The following RBFOX1 variants were observed in gnomAD, a reference collection of about 807,000 sequenced individuals.
The protein encoded by RBFOX1 is RNA binding protein fox-1 homolog 1.
Under a neutral mutation model 57.7 loss-of-function variants are expected in RBFOX1, and 8 were observed. That is an observed-to-expected ratio of 0.14 (90% CI 0.08 to 0.25). RBFOX1 has a LOEUF of 0.25. Ranked by LOEUF, RBFOX1 falls within the 10% of genes least tolerant of loss-of-function variation. The pLI, the probability that RBFOX1 is intolerant of heterozygous loss-of-function variation, is 1.00. For missense variants in RBFOX1, 611 were observed against 548.5 expected (o/e 1.11, Z -1.14); for synonymous variants, 326 against 222.4 (o/e 1.47, Z -4.15).
chr16:7,345,691 G>C (rs951944024), intron 4 of RBFOX1, among the ~76,000 whole-genome samples: 1 of 152,116 alleles, frequency 6.6e-6, no homozygotes, highest in Non-Finnish European at 1.5e-5. Context: ...GCCGTCTGGG[G>C]ATGGATAAAA....
At chr16:7,675,961 C>G (rs150270888) in intron 13 of RBFOX1, among the ~76,000 whole-genome samples, 112 of 152,346 alleles carry the variant, frequency 7.4e-4, no homozygotes, top group African/African-American at 2.7e-3. Context: ...CAACGCTCCA[C>G]TGAACACAAT....
chr16:7,673,132 G>A (rs1334324436), intron 13 of RBFOX1, among the ~76,000 whole-genome samples: 2 of 151,922 alleles, frequency 1.3e-5, no homozygotes, highest in Non-Finnish European at 2.9e-5. Flanking sequence ...CAGTCCTACC[G>A]ACGCCCACGT....
chr16:5,866,690 C>T (rs1567646214), intron 3 of RBFOX1, among the ~76,000 whole-genome samples: 1 of 152,146 alleles, frequency 6.6e-6, no homozygotes, highest in Non-Finnish European at 1.5e-5. Flanking sequence ...TTAATAACAT[C>T]CCGACTTTGG....
At chr16:7,648,635 T>C (rs2064256939) in intron 11 of RBFOX1, among the ~76,000 whole-genome samples, 1 of 152,170 alleles carries the variant, frequency 6.6e-6, no homozygotes, top group South Asian at 2.1e-4. Context: ...TGCACATAAT[T>C]ATTTTATTCA....
intron 4 of RBFOX1, among the ~76,000 whole-genome samples, chr16:7,495,622 T>C (rs1349103714): frequency 6.6e-6 from 1 of 152,248 alleles, no homozygotes; most frequent in Non-Finnish European, 1.5e-5. Flanking sequence ...TATCTTCTTT[T>C]GAGAAATGTC....
chr16:6,186,388 T>A (rs2097105321), intron 1 of RBFOX1, among the ~76,000 whole-genome samples: 1 of 152,160 alleles, frequency 6.6e-6, no homozygotes, highest in African/African-American at 2.4e-5. Flanking sequence ...CATCTGCATA[T>A]GGGGAATGTT....
chr16:6,889,438 A>C (rs1567731113), intron 3 of RBFOX1, among the ~76,000 whole-genome samples: 4 of 152,236 alleles, frequency 2.6e-5, no homozygotes, highest in Non-Finnish European at 5.9e-5. Context: ...AAAAAGGAGA[A>C]CGTGGAACAG....
At chr16:7,043,211 G>A (rs997469231) in intron 3 of RBFOX1, among the ~76,000 whole-genome samples, 13 of 152,054 alleles carry the variant, frequency 8.5e-5, no homozygotes, top group Non-Finnish European at 1.6e-4. Context: ...ACTGCTTCCC[G>A]TCCTTCAGCA....
At chr16:5,685,227 C>CT (rs35537256) in intron 3 of RBFOX1, among the ~76,000 whole-genome samples, 1 of 152,148 alleles carries the variant, frequency 6.6e-6, no homozygotes, top group East Asian at 1.9e-4. Context: ...ATATTATTGG[C>CT]TTTTTTGATA....
At chr16:7,349,932 A>C (rs2097096781) in intron 4 of RBFOX1, among the ~76,000 whole-genome samples, 1 of 152,184 alleles carries the variant, frequency 6.6e-6, no homozygotes, top group South Asian at 2.1e-4. Flanking sequence ...GGATCACTTG[A>C]GGTCAGGAGT....
intron 4 of RBFOX1, among the ~76,000 whole-genome samples, chr16:7,250,612 G>A (rs184068781): frequency 5.9e-5 from 9 of 152,320 alleles, no homozygotes; most frequent in Admixed American, 1.3e-4. Context: ...TCATAACTAT[G>A]TACACAGCAG....
chr16:6,167,470 T>C (rs1207013624), intron 1 of RBFOX1, among the ~76,000 whole-genome samples: 3 of 152,184 alleles, frequency 2.0e-5, no homozygotes, highest in Non-Finnish European at 4.4e-5. Context: ...TTCTAACATT[T>C]TTTCCACTGT....
chr16:7,490,439 G>T (rs2066630307), intron 4 of RBFOX1, among the ~76,000 whole-genome samples: 1 of 152,206 alleles, frequency 6.6e-6, no homozygotes, highest in South Asian at 2.1e-4. Flanking sequence ...TAGTTTCACT[G>T]TTTATAGTTC....
intron 3 of RBFOX1, among the ~76,000 whole-genome samples, chr16:6,990,141 A>G (rs531385580): frequency 3.3e-5 from 5 of 152,344 alleles, no homozygotes; most frequent in Non-Finnish European, 7.3e-5. Flanking sequence ...AACGTGCCCA[A>G]CACACAGTAG....
At chr16:6,026,902 G>A (rs529887127) in intron 1 of RBFOX1, among the ~76,000 whole-genome samples, 1 of 152,202 alleles carries the variant, frequency 6.6e-6, no homozygotes, top group Non-Finnish European at 1.5e-5. Flanking sequence ...TGCTCTGATA[G>A]CCACTCAAAA....
chr16:5,498,358 G>A lies in RBFOX1; in HGVS notation c.258+31104G>A, dbSNP rs2043073741. ...AGGGTTTCACCATGTTGGCCAGGCT[G>A]GTCTCAACCTCCTGAACTCAAGTTA... On this transcript the variant is annotated intron_variant, in intron 2 of 2. Transcript: ENST00000585867. 2.6e-5 allele frequency among the ~76,000 whole-genome samples: 4 copies of A among 152,236 alleles called. No individual in the cohort carries two copies. In the South Asian group the frequency reaches 8.3e-4, roughly 32 times the overall value.
intron 6 of RBFOX1, among the ~76,000 whole-genome samples, chr16:7,583,878 G>T (rs192833121): frequency 6.6e-6 from 1 of 151,972 alleles, no homozygotes; most frequent in African/African-American, 2.4e-5. Context: ...GCAGGAAAAT[G>T]GTCCACTAAA....
At chr16:6,041,971 C>G (rs975003956) in intron 1 of RBFOX1, among the ~76,000 whole-genome samples, 6 of 152,140 alleles carry the variant, frequency 3.9e-5, no homozygotes, top group African/African-American at 1.2e-4. Flanking sequence ...GAAAGAATCC[C>G]TTTCCTTACT....
chr16:6,972,550 G>A (rs578174850), intron 3 of RBFOX1, among the ~76,000 whole-genome samples: 2 of 152,120 alleles, frequency 1.3e-5, no homozygotes, highest in Non-Finnish European at 2.9e-5. Flanking sequence ...TGAACATGGG[G>A]ATACAAATAT....
Sources: gnomAD v4.1 joint callset for allele counts (sites outside exome capture counted in the v4.1 genomes callset) on GRCh38, gnomAD v4.1.1 for gene constraint, MANE v1.5 for transcripts, NCBI Gene and HGNC (gene_info 2026-07-23, HGNC 2026-07-21) for gene names.